The following EDIL3 variants were observed in gnomAD, a reference collection of about 807,000 sequenced individuals.
EDIL3 encodes the protein EGF like and discoidin domains 3.
In EDIL3, 37 loss-of-function variants were observed where a neutral mutation model predicts 67.4. The observed-to-expected ratio is 0.55, with a 90% CI of 0.42 to 0.72. The LOEUF is 0.72. Ranked by LOEUF, EDIL3 falls within the 30% of genes least tolerant of loss-of-function variation. EDIL3 has a pLI of 0.00. For missense variants in EDIL3, 527 were observed against 586.3 expected (o/e 0.90, Z 1.04); for synonymous variants, 195 against 196.3 (o/e 0.99, Z 0.05).
chr5:84,160,819 C>T (rs74909398), intron 4 of EDIL3, among the ~76,000 whole-genome samples: 1,851 of 69,020 alleles, frequency 0.027, 76 homozygotes, highest in African/African-American at 0.1. Flanking sequence ...CCTTTCCTTT[C>T]CCTTTCCTTT....
At position 83,980,337 on chromosome 5, in the gene EDIL3, G is replaced by C. The variant is rs537591994; in HGVS notation, c.1138-16977C>G. On this transcript the variant is annotated intron_variant, in intron 9 of 10. Transcript: ENST00000296591. ...ACTATAAAACGGCAACAGAAGCTAA[G>C]GCAATTAGGTAAGAAAATTAAATAA... 1.9e-3 allele frequency among the ~76,000 whole-genome samples: 281 copies of C among 151,712 alleles called. 2 individuals are homozygous for C. The highest frequency in any genetic ancestry group is 2.0e-3 in the Admixed American group (31 of 15,214).
Position 83,943,324 on chromosome 5 carries a change from A to G in EDIL3, c.*95T>C, listed in dbSNP as rs1385626954. On this transcript the variant is annotated 3_prime_UTR_variant, in exon 11 of 11. Transcript: ENST00000296591. The stretch of plus-strand genomic sequence containing the variant: ...GAGCACTTTTTCATGAAAAAAAAAA[A>G]AAAACCATTCAGTTTCCTACAGATT... 1 of 1,541,876 alleles carries G rather than the reference A, an allele frequency of 6.5e-7. No individual in the cohort carries two copies. Among genetic ancestry groups the G allele is most frequent in the African/African-American group, 1.4e-5 (1 of 71,606 alleles).
At chr5:84,356,485 G>A (rs533301642) in intron 1 of EDIL3, among the ~76,000 whole-genome samples, 102 of 152,320 alleles carry the variant, frequency 6.7e-4, no homozygotes, top group South Asian at 2.3e-3. Flanking sequence ...GTGACCAGCT[G>A]AGTATTCTGC....
chr5:84,167,170 C>T (rs1219554184), intron 4 of EDIL3, among the ~76,000 whole-genome samples: 1 of 151,904 alleles, frequency 6.6e-6, no homozygotes, highest in Non-Finnish European at 1.5e-5. Flanking sequence ...ATTAGGAGCA[C>T]GTCATAGTGC....
intron 3 of EDIL3, among the ~76,000 whole-genome samples, chr5:84,200,245 T>G (rs1269880857): frequency 1.3e-5 from 2 of 152,106 alleles, no homozygotes; most frequent in Non-Finnish European, 2.9e-5. Context: ...TGTGCACATG[T>G]ACCCTAAAAC....
chr5:84,021,487 T>C (rs960093904), intron 9 of EDIL3, among the ~76,000 whole-genome samples: 10 of 152,022 alleles, frequency 6.6e-5, no homozygotes, highest in African/African-American at 2.2e-4. Flanking sequence ...GCATACTGTT[T>C]AGTTTCCATG....
At chr5:84,025,154 G>A (rs527306410) in intron 9 of EDIL3, among the ~76,000 whole-genome samples, 1 of 152,072 alleles carries the variant, frequency 6.6e-6, no homozygotes, top group African/African-American at 2.4e-5. Flanking sequence ...CCTCGGCTAA[G>A]CAACTCAATC....
chr5:83,964,313 T>C (rs1026726870), intron 9 of EDIL3, among the ~76,000 whole-genome samples: 4 of 151,944 alleles, frequency 2.6e-5, no homozygotes, highest in African/African-American at 9.7e-5. Flanking sequence ...TTGCCTTTTA[T>C]GTTTATGTTC....
intron 5 of EDIL3, among the ~76,000 whole-genome samples, chr5:84,136,897 T>C (rs973415599): frequency 1.3e-5 from 2 of 152,100 alleles, no homozygotes; most frequent in Non-Finnish European, 2.9e-5. Context: ...ATTTCAGTCA[T>C]ATGCATAATC....
chr5:83,982,341 T>A (rs1054647928), intron 9 of EDIL3, among the ~76,000 whole-genome samples: 2 of 152,074 alleles, frequency 1.3e-5, no homozygotes, highest in African/African-American at 4.8e-5. Context: ...AATTAATAGA[T>A]CTATATTTCA....
intron 1 of EDIL3, among the ~76,000 whole-genome samples, chr5:84,330,174 C>T (rs1379560946): frequency 1.3e-5 from 2 of 152,116 alleles, no homozygotes; most frequent in African/African-American, 4.8e-5. Context: ...CAGAGACTAA[C>T]ATTGTTTTTT....
At chr5:84,106,500 G>T in intron 6 of EDIL3, 149 bp downstream of exon 6, 2 of 879,138 alleles carry the variant, frequency 2.3e-6, no homozygotes, top group East Asian at 2.8e-5. Flanking sequence ...TCTCAGAATT[G>T]GGAGCTAATT....
chr5:84,380,185 C>A (rs189572692), intron 1 of EDIL3, among the ~76,000 whole-genome samples: 1 of 152,020 alleles, frequency 6.6e-6, no homozygotes, highest in African/African-American at 2.4e-5. Context: ...ACATTATAAT[C>A]ATTACATGGA....
Position 84,345,548 on chromosome 5 carries a change from C to G in EDIL3, c.67+38760G>C, listed in dbSNP as rs1747219624. Among the ~76,000 whole-genome samples, 3 of 151,962 alleles carry G rather than the reference C, an allele frequency of 2.0e-5. No individual in the cohort carries two copies. In the South Asian group the frequency reaches 6.2e-4, roughly 32 times the overall value. ...AGTAATAAAATATCTGAGCTCTCCT[C>G]CAGATGATTTAGTAGGGTCCCCTTA... On this transcript the variant is annotated intron_variant, in intron 1 of 10. Transcript: ENST00000296591.
intron 1 of EDIL3, among the ~76,000 whole-genome samples, chr5:84,288,993 G>A (rs560694650): frequency 4.3e-4 from 66 of 152,204 alleles, no homozygotes; most frequent in African/African-American, 1.5e-3. Context: ...CGTATAGTGT[G>A]GAGCTAAGAA....
chr5:84,246,856 G>C (rs1386607608), intron 2 of EDIL3, among the ~76,000 whole-genome samples: 2 of 152,064 alleles, frequency 1.3e-5, no homozygotes, highest in Admixed American at 1.3e-4. Flanking sequence ...ATAAGCTAAT[G>C]AGTTTATATG....
At chr5:84,381,116 T>A (rs1748067790) in intron 1 of EDIL3, among the ~76,000 whole-genome samples, 1 of 152,202 alleles carries the variant, frequency 6.6e-6, no homozygotes, top group South Asian at 2.1e-4. Context: ...ACCATCTCAA[T>A]TTTTTCCTGA....
At chr5:84,003,740 T>C (rs917915511) in intron 9 of EDIL3, among the ~76,000 whole-genome samples, 3 of 152,090 alleles carry the variant, frequency 2.0e-5, no homozygotes, top group African/African-American at 7.2e-5. Flanking sequence ...CATAGACCAT[T>C]GACACTATAA....
In EDIL3 at chr5:84,371,892, T is replaced by C. The variant is rs556041650; in HGVS notation, c.67+12416A>G. 5.9e-5 allele frequency among the ~76,000 whole-genome samples: 9 copies of C among 152,262 alleles called. No individual in the cohort carries two copies. The South Asian group carries it at 1.9e-3, about 32-fold the overall frequency. On this transcript the variant is annotated intron_variant, in intron 1 of 10. Coordinates refer to ENST00000296591, the MANE Select transcript of EDIL3 (RefSeq NM_005711.5). ...TAAACCATCACTTCCTATCTTCTTA[T>C]TCATTCCCTTTAGAACCCCAATTCA...
Sources: gnomAD v4.1 joint callset for allele counts (sites outside exome capture counted in the v4.1 genomes callset) on GRCh38, gnomAD v4.1.1 for gene constraint, MANE v1.5 for transcripts, NCBI Gene and HGNC (gene_info 2026-07-23, HGNC 2026-07-21) for gene names.